Variants in RNF150 observed in about 807,000 individuals in gnomAD.
RNF150 encodes ring finger protein 150.
A neutral mutation model predicts 39.3 loss-of-function variants in RNF150; 24 were observed. The ratio of observed to expected loss-of-function variants is 0.61; its 90% CI spans 0.44 to 0.86. The LOEUF is 0.86. RNF150 is among the 40% of genes least tolerant of loss of function. The pLI is 0.00. For synonymous variants in RNF150, 255 were observed against 227.3 expected (o/e 1.12, Z -1.10); for missense variants, 502 against 587.8 (o/e 0.85, Z 1.51).
chr4:141,151,649 A>G (rs974209316), intron 1 of RNF150, among the ~76,000 whole-genome samples: 2 of 152,200 alleles, frequency 1.3e-5, no homozygotes, highest in African/African-American at 4.8e-5. Context: ...CTAATTTAAC[A>G]TTTTACCTTA....
Position 140,896,706 on chromosome 4 carries a change from AAACAAACAAACAAAC to A in RNF150, c.1198+14423_1198+14437del, listed in dbSNP as rs1168992350. Among the ~76,000 whole-genome samples, 58 of 83,966 alleles carry A rather than the reference AAACAAACAAACAAAC, an allele frequency of 6.9e-4. 1 individual carries two copies. Among genetic ancestry groups the A allele is most frequent in the Middle Eastern group, 6.4e-3 (1 of 156 alleles). 55.1% of individuals were successfully genotyped at this position (83,966 alleles called of 152,430 possible). ...GTATAATAAAAAAAAAAAAACAAAA[AAACAAACAAACAAAC>A]AAAAAAAAATAATTTTTTTTCTTTA... On this transcript the variant is annotated intron_variant, in intron 6 of 6. Transcript: ENST00000515673.
In RNF150 at chr4:140,880,076, C is replaced by T. The variant is rs10428408; in HGVS notation, c.1199-11697G>A. Among the ~76,000 whole-genome samples the T allele has an allele frequency of 2.4e-3, 350 of 148,882 alleles. 2 individuals carry two copies. The highest frequency in any genetic ancestry group is 8.3e-3 in the African/African-American group (337 of 40,506). The stretch of plus-strand genomic sequence containing the variant: ...AAGAGTGAGCATTCTTGTCTTGTTC[C>T]TGATCTTGGAAGAAAGCTTTCAGTT... On this transcript the variant is annotated intron_variant, in intron 6 of 6. Transcript: ENST00000515673.
chr4:140,878,755 TGTA>T (rs752591032), intron 6 of RNF150, among the ~76,000 whole-genome samples: 4 of 152,216 alleles, frequency 2.6e-5, no homozygotes, highest in Non-Finnish European at 5.9e-5. Flanking sequence ...TTTAGTGTAA[TGTA>T]GTCCAATTTG....
chr4:141,001,574 A>G (rs1247428207), intron 1 of RNF150, among the ~76,000 whole-genome samples: 1 of 152,140 alleles, frequency 6.6e-6, no homozygotes, highest in East Asian at 1.9e-4. Flanking sequence ...TTGACAAAAT[A>G]TATTTTCCTG....
rs111607848 is a variant in RNF150, at chr4:141,153,359, G to A, written c.-6+59435C>T. On this transcript the variant is annotated intron_variant, in intron 1 of 7. Coordinates refer to the RNF150 transcript ENST00000420921. ...TTAAGGTGGGTCTTAATCCAGTTTC[G>A]CTGATGTCCCTAAAGAAAGAGTAAG... is the stretch of plus-strand genomic sequence containing the variant. Among the ~76,000 whole-genome samples, 614 of 152,202 alleles carry A rather than the reference G, an allele frequency of 4.0e-3. 8 individuals are homozygous for A. Among genetic ancestry groups the A allele is most frequent in the African/African-American group, 0.014 (578 of 41,518 alleles).
At chr4:141,108,742 G>A (rs180772373) in intron 1 of RNF150, among the ~76,000 whole-genome samples, 168 of 152,254 alleles carry the variant, frequency 1.1e-3, no homozygotes, top group Admixed American at 3.9e-3. Flanking sequence ...GGTTGAGTCC[G>A]TTAAGGGATT....
intron 1 of RNF150, among the ~76,000 whole-genome samples, chr4:141,025,788 T>C (rs1050464762): frequency 1.3e-5 from 2 of 152,096 alleles, no homozygotes; most frequent in African/African-American, 2.4e-5. Flanking sequence ...AAATGAAACA[T>C]TGAAAAAACT....
intron 1 of RNF150, among the ~76,000 whole-genome samples, chr4:141,032,984 A>T (rs995458408): frequency 4.6e-5 from 7 of 152,156 alleles, no homozygotes; most frequent in Admixed American, 6.5e-5. Context: ...CTGCCGACTG[A>T]TCAGGGTGGT....
At chr4:140,952,164 C>T (rs1174439987) in intron 2 of RNF150, among the ~76,000 whole-genome samples, 1 of 151,978 alleles carries the variant, frequency 6.6e-6, no homozygotes, top group Non-Finnish European at 1.5e-5. Flanking sequence ...GTGCCCGCCA[C>T]CACGCCTGGC....
chr4:141,092,359 A>C (rs972472218), intron 1 of RNF150, among the ~76,000 whole-genome samples: 1 of 152,116 alleles, frequency 6.6e-6, no homozygotes, highest in African/African-American at 2.4e-5. Flanking sequence ...AAAAAAGGAA[A>C]AAACTCTCAG....
chr4:140,939,803 C>T (rs557113424), intron 4 of RNF150, among the ~76,000 whole-genome samples: 2 of 152,282 alleles, frequency 1.3e-5, no homozygotes, highest in South Asian at 4.1e-4. Context: ...CAAACAAATA[C>T]ATATGTATCC....
At chr4:141,059,364 G>A (rs1003195426) in intron 1 of RNF150, among the ~76,000 whole-genome samples, 2 of 151,844 alleles carry the variant, frequency 1.3e-5, no homozygotes, top group African/African-American at 2.4e-5. Context: ...AAATAAACTA[G>A]GTTAAAAAAA....
chr4:140,914,372 C>T (rs946431735), intron 5 of RNF150, among the ~76,000 whole-genome samples: 7 of 152,154 alleles, frequency 4.6e-5, no homozygotes, highest in Admixed American at 4.6e-4. Context: ...AGAGAAGACA[C>T]AATCATAAAG....
intron 1 of RNF150, among the ~76,000 whole-genome samples, chr4:141,039,333 G>A (rs1736269379): frequency 6.6e-6 from 1 of 151,666 alleles, no homozygotes; most frequent in Admixed American, 6.6e-5. Context: ...GAAACTAAGA[G>A]GAGAAGGTGG....
intron 1 of RNF150, among the ~76,000 whole-genome samples, chr4:141,059,495 G>C (rs35906736): frequency 0.015 from 2,234 of 152,080 alleles, 78 homozygotes; most frequent in East Asian, 0.12. Flanking sequence ...GAAGTTTGAT[G>C]GTTTTGCTCC....
chr4:141,042,270 C>T (rs961022477), intron 1 of RNF150, among the ~76,000 whole-genome samples: 3 of 151,966 alleles, frequency 2.0e-5, no homozygotes, highest in Non-Finnish European at 4.4e-5. Context: ...ATGTGAGACT[C>T]GTTTATCTAA....
intron 1 of RNF150, among the ~76,000 whole-genome samples, chr4:140,982,673 C>A (rs1262213851): frequency 6.6e-6 from 1 of 151,988 alleles, no homozygotes. Context: ...AAAACATGTC[C>A]CTGGTGATCC....
At chr4:141,172,440 G>T (rs1297220129) in intron 1 of RNF150, among the ~76,000 whole-genome samples, 2 of 152,112 alleles carry the variant, frequency 1.3e-5, no homozygotes, top group Non-Finnish European at 2.9e-5. Context: ...GTGAAAAATT[G>T]GGATCAATAA....
chr4:141,128,324 A>G (rs1468981156), intron 1 of RNF150, among the ~76,000 whole-genome samples: 1 of 152,210 alleles, frequency 6.6e-6, no homozygotes, highest in Admixed American at 6.5e-5. Context: ...TCCACTTCAC[A>G]AAGGAGGAAA....
Sources: gnomAD v4.1 joint callset for allele counts (sites outside exome capture counted in the v4.1 genomes callset) on GRCh38, gnomAD v4.1.1 for gene constraint, MANE v1.5 for transcripts, NCBI Gene and HGNC (gene_info 2026-07-23, HGNC 2026-07-21) for gene names.